Variants in LARGE1 observed in about 807,000 individuals in gnomAD.
LARGE1 encodes the protein xylosyl- and glucuronyltransferase LARGE1.
Under a neutral mutation model 87.6 loss-of-function variants are expected in LARGE1, and 43 were observed. The observed-to-expected ratio is 0.49, with a 90% CI of 0.38 to 0.63. The LOEUF (loss-of-function observed/expected upper bound fraction) is 0.63. Ranked by LOEUF, LARGE1 falls within the 30% of genes least tolerant of loss-of-function variation. The probability of loss-of-function intolerance (pLI) is 0.00; values close to 1 mark genes in which losing one functional copy is unlikely to be tolerated. For synonymous variants in LARGE1, 434 were observed against 394.6 expected, an observed-to-expected ratio of 1.10 and a Z score of -1.18; for missense variants, 802 against 1,000.2, an observed-to-expected ratio of 0.80 and a Z score of 2.67.
At chr22:33,364,883 C>CG (rs1354848181) in intron 9 of LARGE1, among the ~76,000 whole-genome samples, 1 of 151,680 alleles carries the variant, frequency 6.6e-6, no homozygotes, top group Non-Finnish European at 1.5e-5. Context: ...TTTGTAGAGA[C>CG]GGGGGTCTTA....
At chr22:33,592,662 T>G (rs2078873388) in intron 5 of LARGE1, among the ~76,000 whole-genome samples, 1 of 151,792 alleles carries the variant, frequency 6.6e-6, no homozygotes, top group Non-Finnish European at 1.5e-5. Context: ...AACAATTATT[T>G]ACATATCACT....
At chr22:33,767,273 G>C (rs915822530) in intron 1 of LARGE1, among the ~76,000 whole-genome samples, 2 of 151,468 alleles carry the variant, frequency 1.3e-5, no homozygotes, top group Admixed American at 6.6e-5. Context: ...AATCAGCTGA[G>C]ATCTCGCCAC....
At chr22:33,309,830 G>T (rs1481979987) in intron 11 of LARGE1, among the ~76,000 whole-genome samples, 1 of 152,124 alleles carries the variant, frequency 6.6e-6, no homozygotes, top group African/African-American at 2.4e-5. Flanking sequence ...AGGGGCAGGG[G>T]TGAGATGAAG....
intron 7 of LARGE1, among the ~76,000 whole-genome samples, chr22:33,421,750 A>G (rs955089833): frequency 1.3e-5 from 2 of 152,250 alleles, no homozygotes; most frequent in African/African-American, 4.8e-5. Flanking sequence ...AGTGACATAT[A>G]GGAATTCCTG....
At chr22:33,388,042 T>C (rs1187575121) in intron 7 of LARGE1, among the ~76,000 whole-genome samples, 2 of 152,230 alleles carry the variant, frequency 1.3e-5, no homozygotes, top group Non-Finnish European at 2.9e-5. Context: ...TAATAACACA[T>C]GGTATTTTTA....
At chr22:33,707,246 CG>C (rs1569391222) in intron 2 of LARGE1, among the ~76,000 whole-genome samples, 1 of 152,216 alleles carries the variant, frequency 6.6e-6, no homozygotes, top group South Asian at 2.1e-4. Flanking sequence ...GGAGAGCTCC[CG>C]GGGCCACACC....
chr22:33,874,541 C>T (rs961321034), intron 1 of LARGE1, among the ~76,000 whole-genome samples: 4 of 152,110 alleles, frequency 2.6e-5, no homozygotes, highest in Non-Finnish European at 4.4e-5. Flanking sequence ...AGTATTTGTC[C>T]TGCTTTTACT....
Position 33,385,157 on chromosome 22 carries a change from C to T in LARGE1, c.893-853G>A. Among the ~76,000 whole-genome samples, 2 of 148,588 alleles carry T rather than the reference C, an allele frequency of 1.3e-5. 1 individual carries two copies. Among genetic ancestry groups the T allele is most frequent in the Non-Finnish European group, 3.0e-5 (2 of 66,462 alleles). On this transcript the variant is annotated intron_variant, in intron 7 of 14. Coordinates refer to ENST00000397394, the MANE Select transcript of LARGE1 (RefSeq NM_133642.5). ...CTTCCTTGGTATCTTTTCTTGGTTA[C>T]TTTCTGCGGAAGGGACCTGGGTGAA...
At chr22:33,715,857 C>T (rs560203310) in intron 2 of LARGE1, among the ~76,000 whole-genome samples, 13 of 152,302 alleles carry the variant, frequency 8.5e-5, no homozygotes, top group South Asian at 4.1e-4. Context: ...CATGGAAACG[C>T]GGCAGATCCC....
chr22:33,503,469 A>T (rs1444328495), intron 6 of LARGE1, among the ~76,000 whole-genome samples: 1 of 152,028 alleles, frequency 6.6e-6, no homozygotes, highest in South Asian at 2.1e-4. Context: ...TTCTAGGTAC[A>T]TATGTACCAG....
chr22:33,705,006 A>G (rs2149382710), intron 2 of LARGE1: 1 of 152,428 alleles, frequency 6.6e-6, no homozygotes, highest in African/African-American at 2.4e-5. Context: ...GAGACATTTC[A>G]CGGCTGTAAA....
chr22:33,614,125 C>T (rs1438831891), intron 4 of LARGE1, among the ~76,000 whole-genome samples: 1 of 151,976 alleles, frequency 6.6e-6, no homozygotes, highest in Non-Finnish European at 1.5e-5. Flanking sequence ...AAATGTTGAA[C>T]CTTGGGAAAG....
rs113089662 is a variant in LARGE1 at position 33,293,364 on chromosome 22, T to C, written c.1731-10016A>G. On this transcript the variant is annotated intron_variant, in intron 12 of 14. Coordinates refer to ENST00000397394, the MANE Select transcript of LARGE1 (RefSeq NM_133642.5). ...GACTTACATACTCATATTTTCAGTT[T>C]AATGATAAAGATATTAAAGTTCTGA... 7.4e-3 allele frequency among the ~76,000 whole-genome samples: 1,132 copies of C among 152,352 alleles called. 7 individuals are homozygous for C. Among genetic ancestry groups the C allele is most frequent in the Middle Eastern group, 0.014 (4 of 294 alleles).
chr22:33,230,926 C>T (rs1222438820), intron 11 of LARGE1, among the ~76,000 whole-genome samples: 6 of 152,220 alleles, frequency 3.9e-5, no homozygotes, highest in Non-Finnish European at 1.5e-5. Flanking sequence ...CATTCTAGGC[C>T]TTTCGCCATC....
chr22:33,573,623 G>A (rs2078271134), intron 5 of LARGE1, among the ~76,000 whole-genome samples: 1 of 152,198 alleles, frequency 6.6e-6, no homozygotes, highest in South Asian at 2.1e-4. Flanking sequence ...ACGTTCTCAA[G>A]GAGTCCATGG....
chr22:33,467,066 T>C (rs2068648327), intron 6 of LARGE1, among the ~76,000 whole-genome samples: 1 of 152,142 alleles, frequency 6.6e-6, no homozygotes, highest in South Asian at 2.1e-4. Flanking sequence ...TTCTCTCATG[T>C]TGATCCTAGT....
intron 10 of LARGE1, among the ~76,000 whole-genome samples, chr22:33,331,298 C>T (rs955427211): frequency 5.9e-5 from 9 of 152,112 alleles, no homozygotes; most frequent in African/African-American, 2.2e-4. Context: ...TACCAGAGAG[C>T]TCATACTCTT....
At chr22:33,720,057 T>C (rs1166345382) in intron 2 of LARGE1, among the ~76,000 whole-genome samples, 1 of 152,224 alleles carries the variant, frequency 6.6e-6, no homozygotes, top group African/African-American at 2.4e-5. Context: ...ATGTTTTAGA[T>C]ACATTATATT....
intron 1 of LARGE1, among the ~76,000 whole-genome samples, chr22:33,902,888 T>G (rs1350039209): frequency 6.6e-6 from 1 of 152,166 alleles, no homozygotes; most frequent in Non-Finnish European, 1.5e-5. Context: ...TCCCAGCACT[T>G]TGGAAGGCCA....
Sources: allele counts gnomAD v4.1 joint callset (sites outside exome capture counted in the v4.1 genomes callset), GRCh38; gene constraint gnomAD v4.1.1; transcripts MANE v1.5; gene names NCBI Gene and HGNC (gene_info 2026-07-23, HGNC 2026-07-21).